TRPM1: variants seen among roughly 807,000 people sequenced by gnomAD.
The protein encoded by TRPM1 is TRPM1-203 APA Isoform, Intron 10.
Under a neutral mutation model 149.4 loss-of-function variants are expected in TRPM1, and 113 were observed. That is an observed-to-expected ratio of 0.76 (90% CI 0.65 to 0.88). The LOEUF (loss-of-function observed/expected upper bound fraction) is 0.88. Ranked by LOEUF, TRPM1 falls within the 40% of genes least tolerant of loss-of-function variation. The pLI is 0.00. For missense variants in TRPM1, 1,976 were observed against 2,038.7 expected (o/e 0.97, Z 0.59); for synonymous variants, 741 against 759.5 (o/e 0.98, Z 0.40).
intron 1 of TRPM1, among the ~76,000 whole-genome samples, chr15:31,160,498 C>T (rs1268287285): frequency 1.3e-5 from 2 of 152,188 alleles, no homozygotes; most frequent in African/African-American, 2.4e-5. Context: ...TCCCCATGGC[C>T]CACACAAACA....
At position 31,031,004 on chromosome 15, in the gene TRPM1, C is replaced by T; in HGVS notation, c.3106G>A (p.Val1036Met). 1.2e-6 allele frequency: 2 copies of T among 1,614,186 alleles called. No individual in the cohort carries two copies. The highest frequency in any genetic ancestry group is 1.3e-5 in the African/African-American group (1 of 75,034). ...TTACGGTCTATCTGGTCTGCAAACA[C>T]CTCTCCATAGATCATCCAGTAGGGC... ...YMPYWMIYGEVFADQIDLYAM... is the reference protein window; with the variant it reads ...YMPYWMIYGEMFADQIDLYAM... Residue 1036 changes from valine (V) to methionine (M), a missense_variant, in exon 23 of 28, where the codon GTG becomes ATG. Around this residue, in one of 3 missense-constraint regions of TRPM1, gnomAD observed 1,332 missense variants for 1,347.1 expected, o/e 0.99. Coordinates refer to ENST00000256552, the MANE Select transcript of TRPM1 (RefSeq NM_001252024.2).
intron 1 of TRPM1, among the ~76,000 whole-genome samples, chr15:31,088,798 C>T (rs983067989): frequency 6.9e-5 from 7 of 101,102 alleles, no homozygotes; most frequent in African/African-American, 2.9e-4. Flanking sequence ...AACGTTCTTT[C>T]TGCTGGGGGG....
rs71471861 is a variant in TRPM1, at chr15:31,071,980, CATATATATATAT to C, written c.84-1766_84-1755del. Among the ~76,000 whole-genome samples, 520 of 77,174 alleles carry C rather than the reference CATATATATATAT, an allele frequency of 6.7e-3. 8 individuals carry two copies. The highest frequency in any genetic ancestry group is 0.021 in the East Asian group (69 of 3,258). 50.6% of individuals were successfully genotyped at this position (77,174 alleles called of 152,430 possible). The stretch of plus-strand genomic sequence containing the variant: ...CTCCGTCTCAAAAAAAAAAAAAAAA[CATATATATATAT>C]ATATATATATATATATATATATATA... On this transcript the variant is annotated intron_variant, in intron 3 of 27. Coordinates refer to ENST00000256552, the MANE Select transcript of TRPM1 (RefSeq NM_001252024.2).
At chr15:31,047,805 C>T in intron 14 of TRPM1, 84 bp downstream of exon 14, 1 of 1,111,140 alleles carries the variant, frequency 9.0e-7, no homozygotes, top group East Asian at 2.3e-5. Flanking sequence ...AATAATAATA[C>T]ATTTTGAAAA....
chr15:31,043,443 C>G (rs766848494), intron 16 of TRPM1, among the ~76,000 whole-genome samples: 1 of 152,032 alleles, frequency 6.6e-6, no homozygotes, highest in East Asian at 1.9e-4. Flanking sequence ...CCTCCCGCCT[C>G]GGCCTCCCAA....
intron 1 of TRPM1, among the ~76,000 whole-genome samples, chr15:31,154,020 A>C (rs2036336473): frequency 6.6e-6 from 1 of 152,218 alleles, no homozygotes; most frequent in African/African-American, 2.4e-5. Context: ...CATGGGCTGC[A>C]AACTGTTGGC....
chr15:31,145,106 G>A (rs527250069), intron 1 of TRPM1, among the ~76,000 whole-genome samples: 29 of 152,108 alleles, frequency 1.9e-4, no homozygotes, highest in African/African-American at 5.1e-4. Flanking sequence ...ACAACTCTCC[G>A]ACTAAAACCA....
intron 7 of TRPM1, 120 bp downstream of exon 7, chr15:31,065,956 G>A: frequency 8.1e-7 from 1 of 1,241,988 alleles, no homozygotes; most frequent in Non-Finnish European, 1.1e-6. Context: ...ATTTTCTGTT[G>A]ACCTAACAAG....
intron 1 of TRPM1, among the ~76,000 whole-genome samples, chr15:31,132,419 GC>G (rs1188600109): frequency 1.3e-5 from 2 of 152,204 alleles, no homozygotes; most frequent in African/African-American, 4.8e-5. Context: ...TACCCAAGGA[GC>G]CCTAGTCCTG....
intron 1 of TRPM1, chr15:31,160,809 C>A: frequency 7.3e-7 from 1 of 1,370,804 alleles, no homozygotes; most frequent in Non-Finnish European, 1.0e-6. Context: ...GAGGACAGGA[C>A]CCGCTGGGCC....
At chr15:31,122,250 G>A (rs1249567234) in intron 1 of TRPM1, among the ~76,000 whole-genome samples, 3 of 152,114 alleles carry the variant, frequency 2.0e-5, no homozygotes, top group South Asian at 2.1e-4. Context: ...GAAACTAGAA[G>A]CTTTCCCACT....
chr15:31,070,774 C>G (rs1274260315), intron 3 of TRPM1, among the ~76,000 whole-genome samples: 1 of 152,122 alleles, frequency 6.6e-6, no homozygotes, highest in African/African-American at 2.4e-5. Flanking sequence ...AGGCTGGTCT[C>G]GAACTCCTGG....
chr15:31,111,396 G>A (rs983607342), intron 1 of TRPM1, among the ~76,000 whole-genome samples: 8 of 152,192 alleles, frequency 5.3e-5, no homozygotes, highest in Admixed American at 2.0e-4. Context: ...CACTTCTGAA[G>A]TCTTCACTCT....
chr15:31,133,497 A>G (rs991643492), intron 1 of TRPM1, among the ~76,000 whole-genome samples: 4 of 152,116 alleles, frequency 2.6e-5, no homozygotes, highest in African/African-American at 9.7e-5. Context: ...GGAGTTCAAG[A>G]CCAGCTTGGC....
intron 1 of TRPM1, among the ~76,000 whole-genome samples, chr15:31,145,442 C>T (rs144677074): frequency 6.6e-6 from 1 of 152,314 alleles, no homozygotes; most frequent in African/African-American, 2.4e-5. Context: ...CTGTGGGTAA[C>T]TGGATGGAAT....
At chr15:31,100,128 G>A (rs555742691) in intron 1 of TRPM1, among the ~76,000 whole-genome samples, 86 of 149,832 alleles carry the variant, frequency 5.7e-4, no homozygotes, top group African/African-American at 2.0e-3. Flanking sequence ...CGCCCAGGCT[G>A]GAGTGCAGTG....
chr15:31,156,195 CAAAAAAAAAAAA>C (rs35981768), intron 1 of TRPM1, among the ~76,000 whole-genome samples: 23 of 36,638 alleles, frequency 6.3e-4, no homozygotes, highest in East Asian at 8.0e-4. Flanking sequence ...AGACCTCTGT[CAAAAAAAAAAAA>C]AAAAAAAAAA....
At chr15:31,046,554 C>T (rs1381666373) in intron 15 of TRPM1, among the ~76,000 whole-genome samples, 2 of 152,102 alleles carry the variant, frequency 1.3e-5, no homozygotes, top group Non-Finnish European at 2.9e-5. Flanking sequence ...AAAGATCAGA[C>T]ATTTGAGTTG....
chr15:31,107,951 G>A (rs1429636175), intron 1 of TRPM1, among the ~76,000 whole-genome samples: 1 of 151,608 alleles, frequency 6.6e-6, no homozygotes, highest in African/African-American at 2.4e-5. Flanking sequence ...TCTGCCTCCA[G>A]GGTTCAAGTG....
Sources: allele counts gnomAD v4.1 joint callset (sites outside exome capture counted in the v4.1 genomes callset), GRCh38; gene constraint gnomAD v4.1.1; regional missense constraint gnomAD v4.1.1; transcripts MANE v1.5; gene names NCBI Gene and HGNC (gene_info 2026-07-23, HGNC 2026-07-21).